OR1D2: variants seen among roughly 807,000 people sequenced by gnomAD.
OR1D2 encodes the protein olfactory receptor family 1 subfamily D member 2.
For synonymous variants in OR1D2, 157 were observed against 153.9 expected (o/e 1.02, Z -0.15); for missense variants, 357 against 376.1 (o/e 0.95, Z 0.42).
In OR1D2 at chr17:3,091,344, A is replaced by C. The variant is rs2047806728; in HGVS notation, c.*714T>G. The C allele has an allele frequency of 6.6e-6, 1 of 152,092 alleles. No homozygotes were observed. The highest frequency in any genetic ancestry group is 2.4e-5 in the African/African-American group (1 of 41,400). 9.4% of individuals were successfully genotyped at this position (152,092 alleles called of 1,614,324 possible). A position where few individuals can be genotyped will look rare whatever the true frequency, so the allele number is the denominator to read the frequency against. Reference sequence around the variant, plus strand: ...CCAAATATGTCTGTTTCTCTTTTTAATTTCAAGCTTTATATATTCCTGTGC... The same window carrying C: ...CCAAATATGTCTGTTTCTCTTTTTACTTTCAAGCTTTATATATTCCTGTGC... On this transcript the variant is annotated 3_prime_UTR_variant, in exon 2 of 2. Coordinates refer to ENST00000641833, the MANE Select transcript of OR1D2 (RefSeq NM_002548.3).
At chr17:3,093,131 G>A (rs2047826148) in intron 1 of OR1D2, 85 bp from the exon 2 acceptor site, 1 of 824,880 alleles carries the variant, frequency 1.2e-6, no homozygotes, top group South Asian at 1.9e-5. Context: ...TATAATTTTT[G>A]AAAATAAGAA....
intron 1 of OR1D2, among the ~76,000 whole-genome samples, chr17:3,095,963 AGAATT>A (rs1453808115): frequency 2.0e-5 from 3 of 152,142 alleles, no homozygotes; most frequent in African/African-American, 7.2e-5. Flanking sequence ...AGAAAATAAT[AGAATT>A]ATATAGAAAT....
At chr17:3,095,685 A>G (rs539675150) in intron 1 of OR1D2, among the ~76,000 whole-genome samples, 9 of 152,066 alleles carry the variant, frequency 5.9e-5, no homozygotes, top group African/African-American at 2.2e-4. Context: ...ATATCTATTA[A>G]GTATGACAGT....
At chr17:3,101,822 C>T (rs554030185) in intron 1 of OR1D2, among the ~76,000 whole-genome samples, 1 of 152,180 alleles carries the variant, frequency 6.6e-6, no homozygotes, top group Non-Finnish European at 1.5e-5. Context: ...AGCAAAATCT[C>T]AGGTTACAAA....
rs753105711 is a variant in OR1D2, at chr17:3,092,701, G to A, written c.296C>T (p.Thr99Ile). The change falls in exon 2 of 2, where the codon ACA becomes ATA. Residue 99 changes from threonine to isoleucine, a missense_variant. Transcript: ENST00000641833. ...CAAGGAGACCAGGAAGTAGAGCTGT[G>A]TCAGACACCCTGCATAGGAGATGGC... ...NKAISYAGCL[T>I]QLYFLVSLVA... is the part of the protein sequence containing the mutation. 2.5e-6 allele frequency: 4 copies of A among 1,614,012 alleles called. No individual in the cohort carries two copies. The African/African-American group carries it at 4.0e-5, about 16-fold the overall frequency.
In OR1D2 at chr17:3,092,203, G is replaced by T. The variant is rs1212332781; in HGVS notation, c.794C>A (p.Thr265Asn). The T allele has an allele frequency of 1.9e-6, 3 of 1,614,164 alleles. No individual in the cohort carries two copies. The highest frequency in any genetic ancestry group is 2.2e-5 in the East Asian group (1 of 44,880). ...GGCTACTGAGTCCTTCACAGAGTAG[G>T]TATGGAGGGGCTTTAGGTATACCAT... ...LCMVYLKPLH[T>N]YSVKDSVATV... Residue 265 changes from threonine to asparagine, a missense_variant, in exon 2 of 2, where the codon ACC (threonine) becomes AAC (asparagine). Transcript: ENST00000641833.
At chr17:3,103,536 C>T (rs1597256699) in intron 1 of OR1D2, among the ~76,000 whole-genome samples, 1 of 152,336 alleles carries the variant, frequency 6.6e-6, no homozygotes, top group South Asian at 2.1e-4. Context: ...GTCCTGAAGT[C>T]TCTCTTGAAG....
chr17:3,097,460 A>G (rs190124422), intron 1 of OR1D2, among the ~76,000 whole-genome samples: 5 of 152,218 alleles, frequency 3.3e-5, no homozygotes, highest in South Asian at 2.1e-4. Flanking sequence ...ACGAGTCCCC[A>G]CCCCCAAGCC....
At chr17:3,094,816 A>G (rs1029838176) in intron 1 of OR1D2, among the ~76,000 whole-genome samples, 1 of 152,176 alleles carries the variant, frequency 6.6e-6, no homozygotes, top group African/African-American at 2.4e-5. Flanking sequence ...GGGAATATCA[A>G]TAAAAAGAAT....
intron 1 of OR1D2, among the ~76,000 whole-genome samples, chr17:3,101,475 C>T (rs1219679970): frequency 1.3e-5 from 2 of 152,208 alleles, no homozygotes; most frequent in East Asian, 3.9e-4. Flanking sequence ...TTCAACATCC[C>T]TTCATGTTAA....
chr17:3,098,069 A>T lies in OR1D2; in HGVS notation c.-50-5023T>A, dbSNP rs144061001. ...GGAGAGGTGGCCGCAATCTCTGTGG[A>T]TCAGCAGACTTAGCCTTTCCTCCTG... On this transcript the variant is annotated intron_variant, in intron 1 of 1. Coordinates refer to ENST00000641833, the MANE Select transcript of OR1D2 (RefSeq NM_002548.3). Among the ~76,000 whole-genome samples the T allele has an allele frequency of 3.5e-3, 540 of 152,270 alleles. 2 individuals carry two copies. The highest frequency in any genetic ancestry group is 0.012 in the African/African-American group (500 of 41,554).
intron 1 of OR1D2, among the ~76,000 whole-genome samples, chr17:3,096,861 G>A (rs2047848078): frequency 6.6e-6 from 1 of 152,150 alleles, no homozygotes; most frequent in South Asian, 2.1e-4. Flanking sequence ...TAAATTAACT[G>A]CGCCTAACAG....
Position 3,091,068 on chromosome 17 carries a change from A to G in OR1D2, c.*990T>C, listed in dbSNP as rs1296708360. On this transcript the variant is annotated 3_prime_UTR_variant, in exon 2 of 2. Coordinates refer to ENST00000641833, the MANE Select transcript of OR1D2 (RefSeq NM_002548.3). ...CAGGTAATGTGACAGAGTTTTTTCT[A>G]CAATGTTCAATATGGTGTTTTTTCT... 2 of 152,202 alleles carry G rather than the reference A, an allele frequency of 1.3e-5. No individual in the cohort carries two copies. Among genetic ancestry groups the G allele is most frequent in the East Asian group, 1.9e-4 (1 of 5,198 alleles). The allele number at this position is 152,202 out of a possible 1,614,324, so 9.4% of individuals were successfully genotyped here. A position where few individuals can be genotyped will look rare whatever the true frequency, so the allele number is the denominator to read the frequency against.
intron 1 of OR1D2, among the ~76,000 whole-genome samples, chr17:3,097,732 G>A (rs989389950): frequency 1.3e-5 from 2 of 152,326 alleles, no homozygotes; most frequent in South Asian, 2.1e-4. Context: ...TGCAGGAGGG[G>A]CAGCACCCAA....
chr17:3,092,333 TAATCAGCAC>T lies in OR1D2; in HGVS notation c.655_663del (p.Val219_Ile221del), dbSNP rs1265502090. 3 of 1,614,104 alleles carry T rather than the reference TAATCAGCAC, an allele frequency of 1.9e-6. No individual in the cohort carries two copies. The Admixed American group carries it at 5.0e-5, about 27-fold the overall frequency. ...GAGGGTATTCTGAGGATGGCTCTGA[TAATCAGCAC>T]ATAGGAAATGATCACGAATCCAAAG... On this transcript the variant is annotated inframe_deletion, in exon 2 of 2. Transcript: ENST00000641833.
intron 1 of OR1D2, among the ~76,000 whole-genome samples, chr17:3,096,979 A>G (rs987495190): frequency 6.6e-6 from 1 of 152,252 alleles, no homozygotes; most frequent in Non-Finnish European, 1.5e-5. Context: ...ATAAACCCAA[A>G]TGACATTAAA....
chr17:3,100,893 C>A (rs1420013984), intron 1 of OR1D2, among the ~76,000 whole-genome samples: 1 of 152,112 alleles, frequency 6.6e-6, no homozygotes, highest in Admixed American at 6.5e-5. Flanking sequence ...ACTATAAATA[C>A]CCCTACGCAA....
At chr17:3,093,718 T>C (rs1373050083) in intron 1 of OR1D2, among the ~76,000 whole-genome samples, 2 of 152,198 alleles carry the variant, frequency 1.3e-5, no homozygotes, top group Non-Finnish European at 2.9e-5. Flanking sequence ...AATGAAAAAC[T>C]ATCTCATCCC....
At chr17:3,099,789 C>G (rs2047866369) in intron 1 of OR1D2, among the ~76,000 whole-genome samples, 1 of 151,956 alleles carries the variant, frequency 6.6e-6, no homozygotes. Context: ...ATCTCACGTA[C>G]AAAGACACAC....
Sources: gnomAD v4.1 joint callset for allele counts (sites outside exome capture counted in the v4.1 genomes callset) on GRCh38, gnomAD v4.1.1 for gene constraint, MANE v1.5 for transcripts, NCBI Gene and HGNC (gene_info 2026-07-23, HGNC 2026-07-21) for gene names.